Variants in SH3BGRL2 observed in about 807,000 individuals in gnomAD.
SH3BGRL2 encodes the protein SH3 domain binding glutamate rich protein like 2.
Under a neutral mutation model 14.8 loss-of-function variants are expected in SH3BGRL2, and 21 were observed. That is an observed-to-expected ratio of 1.42 (90% CI 1.01 to 2.05). SH3BGRL2 has a LOEUF of 2.05. SH3BGRL2 is among the 30% of genes most tolerant of loss of function. SH3BGRL2 has a pLI of 0.00. For missense variants in SH3BGRL2, 147 were observed against 130.8 expected (o/e 1.12, Z -0.61); for synonymous variants, 50 against 47.8 (o/e 1.05, Z -0.19).
chr6:79,670,757 A>T (rs1293096035), intron 1 of SH3BGRL2, among the ~76,000 whole-genome samples: 1 of 152,146 alleles, frequency 6.6e-6, no homozygotes, highest in African/African-American at 2.4e-5. Flanking sequence ...GACCCAGGCT[A>T]CTGTCTTTCT....
the SH3BGRL2 span, among the ~76,000 whole-genome samples, chr6:79,620,871 A>C: frequency 6.6e-6 from 1 of 152,122 alleles, no homozygotes. Context: ...TATCCAGGGA[A>C]TCTAAGGAAT....
intron 1 of SH3BGRL2, among the ~76,000 whole-genome samples, chr6:79,638,855 CAT>C (rs756077855): frequency 2.4e-4 from 36 of 152,086 alleles, no homozygotes; most frequent in Non-Finnish European, 4.7e-4. Context: ...CCTGTTGACA[CAT>C]AGTTTGCACC....
chr6:79,632,323 C>T (rs1382685784), intron 1 of SH3BGRL2, among the ~76,000 whole-genome samples: 1 of 151,980 alleles, frequency 6.6e-6, no homozygotes, highest in Non-Finnish European at 1.5e-5. Context: ...AAGGAAAATT[C>T]AGTAGTTAGT....
the SH3BGRL2 span, among the ~76,000 whole-genome samples, chr6:79,576,312 C>T: frequency 1.3e-5 from 2 of 152,200 alleles, no homozygotes; most frequent in African/African-American, 4.8e-5. Context: ...TTCCTTCTTC[C>T]TGTAGTTTCC....
At chr6:79,619,608 G>T in the SH3BGRL2 span, among the ~76,000 whole-genome samples, 2 of 152,198 alleles carry the variant, frequency 1.3e-5, no homozygotes, top group African/African-American at 4.8e-5. Context: ...GACTCCTAGA[G>T]AATTCATCAC....
chr6:79,556,056 G>A, the SH3BGRL2 span, among the ~76,000 whole-genome samples: 2 of 149,750 alleles, frequency 1.3e-5, no homozygotes, highest in Non-Finnish European at 3.0e-5. Flanking sequence ...CAAACACATA[G>A]CAAGTGAATT....
upstream of SH3BGRL2, among the ~76,000 whole-genome samples, chr6:79,629,553 C>A (rs1368507366): frequency 1.3e-5 from 2 of 152,128 alleles, no homozygotes; most frequent in East Asian, 3.8e-4. Context: ...ACTTTTTCAG[C>A]ATTGTCCTCT....
upstream of SH3BGRL2, among the ~76,000 whole-genome samples, chr6:79,629,695 A>G (rs1381552733): frequency 6.6e-6 from 1 of 152,162 alleles, no homozygotes; most frequent in African/African-American, 2.4e-5. Flanking sequence ...AGTACCTTCT[A>G]TGGCCACCTT....
chr6:79,648,274 AT>A (rs1562146723), intron 1 of SH3BGRL2, among the ~76,000 whole-genome samples: 9 of 130,530 alleles, frequency 6.9e-5, no homozygotes, highest in South Asian at 5.1e-4. Flanking sequence ...ATATATATAT[AT>A]ATATATATTT....
chr6:79,638,088 C>T (rs893945676), intron 1 of SH3BGRL2, among the ~76,000 whole-genome samples: 3 of 152,084 alleles, frequency 2.0e-5, no homozygotes, highest in Admixed American at 6.5e-5. Flanking sequence ...ATTGGCTTAT[C>T]AGTCCCCTCA....
At chr6:79,595,728 A>G in the SH3BGRL2 span, among the ~76,000 whole-genome samples, 2 of 152,222 alleles carry the variant, frequency 1.3e-5, no homozygotes, top group Non-Finnish European at 2.9e-5. Context: ...CTTAATGGTA[A>G]AAGATTGGTT....
the SH3BGRL2 span, among the ~76,000 whole-genome samples, chr6:79,625,071 G>C: frequency 6.6e-6 from 1 of 152,072 alleles, no homozygotes; most frequent in Non-Finnish European, 1.5e-5. Flanking sequence ...TACTCAGGGA[G>C]CTGAGGTGGG....
At chr6:79,638,506 T>C (rs1768969503) in intron 1 of SH3BGRL2, among the ~76,000 whole-genome samples, 1 of 152,094 alleles carries the variant, frequency 6.6e-6, no homozygotes. Flanking sequence ...CCATTTGTGG[T>C]TTTTTGAGAA....
At chr6:79,690,483 CT>C in intron 2 of SH3BGRL2, among the ~76,000 whole-genome samples, 1 of 152,252 alleles carries the variant, frequency 6.6e-6, no homozygotes, top group East Asian at 1.9e-4. Flanking sequence ...TTAGGCTGGG[CT>C]TTACACCTGG....
chr6:79,628,462 C>A (rs1768770115), upstream of SH3BGRL2, among the ~76,000 whole-genome samples: 1 of 152,078 alleles, frequency 6.6e-6, no homozygotes, highest in Admixed American at 6.5e-5. Flanking sequence ...TTCTTCAAGC[C>A]TAATGACCTG....
At chr6:79,579,902 C>A in the SH3BGRL2 span, among the ~76,000 whole-genome samples, 1 of 152,156 alleles carries the variant, frequency 6.6e-6, no homozygotes. Context: ...TCAGGAGACC[C>A]ATCTCACGTG....
At chr6:79,693,801 A>G (rs1164390646) in intron 2 of SH3BGRL2, among the ~76,000 whole-genome samples, 1 of 152,174 alleles carries the variant, frequency 6.6e-6, no homozygotes, top group Non-Finnish European at 1.5e-5. Flanking sequence ...TCACTTTGAG[A>G]GAATGATGGG....
At chr6:79,650,806 A>G (rs1294508346) in intron 1 of SH3BGRL2, among the ~76,000 whole-genome samples, 1 of 152,090 alleles carries the variant, frequency 6.6e-6, no homozygotes, top group Non-Finnish European at 1.5e-5. Flanking sequence ...AATTATCAGC[A>G]GGTGAGGGCA....
the SH3BGRL2 span, among the ~76,000 whole-genome samples, chr6:79,611,567 T>C: frequency 6.6e-6 from 1 of 152,098 alleles, no homozygotes; most frequent in Non-Finnish European, 1.5e-5. Flanking sequence ...TCTGCCACCA[T>C]GCCCAGCTAA....
Sources: gnomAD v4.1 joint callset for allele counts (sites outside exome capture counted in the v4.1 genomes callset) on GRCh38, gnomAD v4.1.1 for gene constraint, MANE v1.5 for transcripts, NCBI Gene and HGNC (gene_info 2026-07-23, HGNC 2026-07-21) for gene names.